GGA1: variants seen among roughly 807,000 people sequenced by gnomAD.
The protein encoded by GGA1 is ADP-ribosylation factor-binding protein GGA1.
In GGA1, 18 loss-of-function variants were observed where a neutral mutation model predicts 76.9. The ratio of observed to expected loss-of-function variants is 0.23; its 90% CI spans 0.16 to 0.35. The LOEUF is 0.35. Ranked by LOEUF, GGA1 falls within the 10% of genes least tolerant of loss-of-function variation. The pLI, the probability that GGA1 is intolerant of heterozygous loss-of-function variation, is 1.00. For missense variants in GGA1, 755 were observed against 859.0 expected, an observed-to-expected ratio of 0.88 and a Z score of 1.51; for synonymous variants, 342 against 354.7, an observed-to-expected ratio of 0.96 and a Z score of 0.40.
rs890533262 is a variant in GGA1, at chr22:37,625,549, T to G, written c.941-248T>G. ...GAAGCAGCCAAGTTTCAGCAGGGCC[T>G]TAAGGATGGGTAGCAGTTTGCCCAG... On this transcript the variant is annotated intron_variant, in intron 10 of 16. Coordinates refer to ENST00000343632, the MANE Select transcript of GGA1 (RefSeq NM_013365.5). The surrounding 1 kb of genome is among the most constrained non-coding windows in gnomAD (Gnocchi z 4.1). Among the ~76,000 whole-genome samples, 57 of 152,074 alleles carry G rather than the reference T, an allele frequency of 3.7e-4. No homozygotes were observed. The highest frequency in any genetic ancestry group is 1.3e-3 in the African/African-American group (55 of 41,400).
Position 37,632,586 on chromosome 22 carries a change from C to A in GGA1, c.1810-15C>A. On this transcript the variant is annotated splice_polypyrimidine_tract_variant and intron_variant, in intron 16 of 16. Coordinates refer to ENST00000343632, the MANE Select transcript of GGA1 (RefSeq NM_013365.5). The surrounding 1 kb of genome is among the most constrained non-coding windows in gnomAD (Gnocchi z 5.1). Reference sequence around the variant, plus strand: ...TCCTCCTCTGACCCCTCTGCCTTTGCCATCTCTTCCCCAGGAGAAGGTTCG... The same window carrying A: ...TCCTCCTCTGACCCCTCTGCCTTTGACATCTCTTCCCCAGGAGAAGGTTCG... 2 of 1,599,088 alleles carry A rather than the reference C, an allele frequency of 1.3e-6. No individual in the cohort carries two copies. The highest frequency in any genetic ancestry group is 1.7e-6 in the Non-Finnish European group (2 of 1,166,428).
chr22:37,614,339 T>A, intron 2 of GGA1, 65 bp downstream of exon 2: 1 of 1,131,132 alleles, frequency 8.8e-7, no homozygotes, highest in Non-Finnish European at 1.3e-6. Context: ...TCGGGTACAA[T>A]GGCCTGGGTG....
rs945345615 is a variant in GGA1, at chr22:37,632,335, C to T, written c.1699-70C>T. ...GGATCCCCGGAGGGGAGCTGGCAGG[C>T]TGGGCCTGGTTCCTCAGAGCAGGAC... On this transcript the variant is annotated intron_variant, in intron 15 of 16. Coordinates refer to ENST00000343632, the MANE Select transcript of GGA1 (RefSeq NM_013365.5). This position sits in a 1 kb window ranked among gnomAD's most constrained non-coding sequence, Gnocchi z 5.1. The T allele has an allele frequency of 2.2e-6, 3 of 1,362,982 alleles. No homozygotes were observed. Among genetic ancestry groups the T allele is most frequent in the Non-Finnish European group, 3.1e-6 (3 of 954,570 alleles). 84.4% of individuals were successfully genotyped at this position (1,362,982 alleles called of 1,614,324 possible).
At position 37,623,766 on chromosome 22, in the gene GGA1, A is replaced by G; in HGVS notation, c.832+133A>G. The G allele has an allele frequency of 1.5e-6, 1 of 648,370 alleles. No individual in the cohort carries two copies. Among genetic ancestry groups the G allele is most frequent in the Non-Finnish European group, 2.8e-6 (1 of 363,310 alleles). The allele number at this position is 648,370 out of a possible 1,614,324, so 40.2% of individuals were successfully genotyped here. On this transcript the variant is annotated intron_variant, in intron 9 of 16. Coordinates refer to ENST00000343632, the MANE Select transcript of GGA1 (RefSeq NM_013365.5). This position sits in a 1 kb window ranked among gnomAD's most constrained non-coding sequence, Gnocchi z 4.6. ...CAGGGGGCCCCCTTCTCCAGCACCG[A>G]CCTTGGGTTTCTCCTCTCTGAGGAC...
chr22:37,623,903 A>G lies in GGA1; in HGVS notation c.832+270A>G. On this transcript the variant is annotated intron_variant, in intron 9 of 16. Coordinates refer to ENST00000343632, the MANE Select transcript of GGA1 (RefSeq NM_013365.5). The surrounding 1 kb of genome is among the most constrained non-coding windows in gnomAD (Gnocchi z 4.6). ...GAGGCAGACCCATCCCCTTTTCACA[A>G]CTGGGGCTAAGGGAGGAAAATGACT... 1 of 428,800 alleles carries G rather than the reference A, an allele frequency of 2.3e-6. No individual in the cohort carries two copies. The highest frequency in any genetic ancestry group is 2.3e-5 in the South Asian group (1 of 43,658). The allele number at this position is 428,800 out of a possible 1,614,324, so 26.6% of individuals were successfully genotyped here. A position where few individuals can be genotyped will look rare whatever the true frequency, so the allele number is the denominator to read the frequency against.
chr22:37,625,725 C>T lies in GGA1; in HGVS notation c.941-72C>T. 8.1e-7 allele frequency: 1 copy of T among 1,232,358 alleles called. No homozygotes were observed. Among genetic ancestry groups the T allele is most frequent in the South Asian group, 1.9e-5 (1 of 53,910 alleles). The allele number at this position is 1,232,358 out of a possible 1,614,324, so 76.3% of individuals were successfully genotyped here. On this transcript the variant is annotated intron_variant, in intron 10 of 16. Transcript: ENST00000343632. The surrounding 1 kb of genome is among the most constrained non-coding windows in gnomAD (Gnocchi z 4.1). Reference sequence around the variant, plus strand: ...AGCATCGGGGGTTAGGTGTTGCTCCCCCGCAACCCCTGTGGACTCTGAGAG... The same window carrying T: ...AGCATCGGGGGTTAGGTGTTGCTCCTCCGCAACCCCTGTGGACTCTGAGAG...
chr22:37,622,202 C>T (rs1196790567), intron 7 of GGA1, among the ~76,000 whole-genome samples: 3 of 151,506 alleles, frequency 2.0e-5, no homozygotes, highest in Non-Finnish European at 4.4e-5. Context: ...CCTCAACCTC[C>T]CAGGCCGCTG....
Position 37,632,753 on chromosome 22 carries a change from A to G in GGA1, c.*42A>G. The G allele has an allele frequency of 8.3e-7, 1 of 1,204,074 alleles. No individual in the cohort carries two copies. 74.6% of individuals were successfully genotyped at this position (1,204,074 alleles called of 1,614,324 possible). On this transcript the variant is annotated 3_prime_UTR_variant, in exon 17 of 17. Coordinates refer to ENST00000343632, the MANE Select transcript of GGA1 (RefSeq NM_013365.5). The surrounding 1 kb of genome is among the most constrained non-coding windows in gnomAD (Gnocchi z 5.1). ...AGAGGAAGGGGCAGAGGGACCGGTC[A>G]CTGTCCAGCCTGGAGGGAGGCATTG...
intron 3 of GGA1, chr22:37,617,510 T>C: frequency 1.0e-6 from 1 of 991,082 alleles, no homozygotes; most frequent in Non-Finnish European, 1.2e-6. Flanking sequence ...TGATTTTAAG[T>C]GGTGGTAGAG....
intron 1 of GGA1, 119 bp downstream of exon 1, chr22:37,609,022 G>C: frequency 2.2e-6 from 3 of 1,384,782 alleles, no homozygotes; most frequent in Non-Finnish European, 2.8e-6. Context: ...CCCCCGGCCC[G>C]GGAGGGGCGG....
At chr22:37,620,481 C>A (rs2145931388) in intron 5 of GGA1, 120 bp downstream of exon 5, 1 of 1,073,916 alleles carries the variant, frequency 9.3e-7, no homozygotes, top group Non-Finnish European at 1.4e-6. Flanking sequence ...TGTCCTTTAA[C>A]TTCTGGAGAA....
In GGA1 at chr22:37,622,521, G is replaced by A. The variant is rs181193540; in HGVS notation, c.610-806G>A. ...CAGCCTCGACCTCCTGGGCTCAAGC[G>A]ATCCTCCCACCTCAACCTCCCAAGT... On this transcript the variant is annotated intron_variant, in intron 7 of 16. Coordinates refer to ENST00000343632, the MANE Select transcript of GGA1 (RefSeq NM_013365.5). 1.9e-3 allele frequency among the ~76,000 whole-genome samples: 283 copies of A among 150,396 alleles called. 2 individuals are homozygous for A. The highest frequency in any genetic ancestry group is 6.4e-3 in the African/African-American group (260 of 40,880).
intron 6 of GGA1, among the ~76,000 whole-genome samples, 180 bp downstream of exon 6, chr22:37,621,093 A>G (rs1018865421): frequency 3.3e-5 from 5 of 152,230 alleles, no homozygotes; most frequent in Non-Finnish European, 4.4e-5. Context: ...TGTCCCATAC[A>G]GCATCCCCAC....
At chr22:37,609,607 CT>C (rs1003621874) in intron 1 of GGA1, among the ~76,000 whole-genome samples, 2 of 152,194 alleles carry the variant, frequency 1.3e-5, no homozygotes, top group African/African-American at 4.8e-5. Flanking sequence ...TTCTACACCC[CT>C]TTTTTTCTTG....
At chr22:37,620,971 T>A (rs1272513479) in intron 6 of GGA1, 58 bp downstream of exon 6, 7 of 1,023,974 alleles carry the variant, frequency 6.8e-6, no homozygotes, top group Non-Finnish European at 1.1e-5. Flanking sequence ...GTCCGTGGGT[T>A]CTGACCTCTA....
chr22:37,626,992 T>C (rs1930968326), intron 11 of GGA1: 1 of 152,272 alleles, frequency 6.6e-6, no homozygotes, highest in South Asian at 2.1e-4. Flanking sequence ...CGAAACCCCA[T>C]GTCTATTAAA....
At position 37,630,896 on chromosome 22, in the gene GGA1, G is replaced by A. The variant is rs576614066; in HGVS notation, c.1332-7G>A. 5.6e-6 allele frequency: 9 copies of A among 1,605,870 alleles called. No individual in the cohort carries two copies. The African/African-American group carries it at 8.0e-5, about 14-fold the overall frequency. Reference sequence around the variant, plus strand: ...ATCACTTCTTAATGCACTGTCCCCCGATTAAGGGAGAAGCAGCAGCCAACC... The same window carrying A: ...ATCACTTCTTAATGCACTGTCCCCCAATTAAGGGAGAAGCAGCAGCCAACC... On this transcript the variant is annotated splice_region_variant and splice_polypyrimidine_tract_variant and intron_variant, in intron 13 of 16. Coordinates refer to ENST00000343632, the MANE Select transcript of GGA1 (RefSeq NM_013365.5).
intron 7 of GGA1, among the ~76,000 whole-genome samples, chr22:37,622,239 G>A (rs1474836841): frequency 3.3e-5 from 5 of 149,324 alleles, no homozygotes; most frequent in African/African-American, 9.9e-5. Context: ...CCACCACACC[G>A]GTATAGTTTT....
rs1432260050 is a variant in GGA1 at position 37,633,373 on chromosome 22, A to T, written c.*662A>T. The T allele has an allele frequency of 6.7e-6, 1 of 149,232 alleles. No individual in the cohort carries two copies. The highest frequency in any genetic ancestry group is 2.0e-4 in the East Asian group (1 of 4,958). 9.2% of individuals were successfully genotyped at this position (149,232 alleles called of 1,614,324 possible). A position where few individuals can be genotyped will look rare whatever the true frequency, so the allele number is the denominator to read the frequency against. The stretch of plus-strand genomic sequence containing the variant: ...TGTGGGGGCTCAAGGGTAATGCCAG[A>T]GGCCCATGGCCCCAGCGAGGGGCTG... On this transcript the variant is annotated 3_prime_UTR_variant, in exon 17 of 17. Transcript: ENST00000343632.
Sources: allele counts gnomAD v4.1 joint callset (sites outside exome capture counted in the v4.1 genomes callset), GRCh38; gene constraint gnomAD v4.1.1; non-coding constraint Gnocchi (gnomAD v3.1); transcripts MANE v1.5; gene names NCBI Gene and HGNC (gene_info 2026-07-23, HGNC 2026-07-21).